The following SLC38A8 variants were observed in gnomAD, a reference collection of about 807,000 sequenced individuals.
The protein encoded by SLC38A8 is solute carrier family 38 member 8, also known as amino acid transporter SLC38A8.
In SLC38A8, 65 loss-of-function variants were observed where a neutral mutation model predicts 46.0. That is an observed-to-expected ratio of 1.41 (90% CI 1.16 to 1.74). SLC38A8 has a LOEUF of 1.74. Ranked by LOEUF, SLC38A8 falls within the 40% of genes most tolerant of loss-of-function variation. The pLI, the probability that SLC38A8 is intolerant of heterozygous loss-of-function variation, is 0.00. For synonymous variants in SLC38A8, 447 were observed against 243.7 expected (o/e 1.83, Z -7.77); for missense variants, 998 against 567.9 (o/e 1.76, Z -7.70).
Position 84,029,515 on chromosome 16 carries a change from G to A in SLC38A8, c.669C>T (p.Pro223=), listed in dbSNP as rs78965848. The A allele has an allele frequency of 1.1e-3, 1,784 of 1,614,120 alleles. 22 individuals are homozygous for A. Among genetic ancestry groups the A allele is most frequent in the African/African-American group, 4.1e-3 (305 of 75,038 alleles). Reference sequence around the variant, plus strand: ...TTACCTGAAACCCGAAGCAGATGGTGGGGAAGACACTGAACACAGAGGTCC... The same window carrying A: ...TTACCTGAAACCCGAAGCAGATGGTAGGGAAGACACTGAACACAGAGGTCC... The part of the protein sequence containing the change: ...ASWTSVFSVF[P]TICFGFQCHE... Residue 223 remains proline (P), a synonymous_variant, in exon 6 of 11, where the codon CCC becomes CCT. Coordinates refer to ENST00000299709, the MANE Select transcript of SLC38A8 (RefSeq NM_001080442.3).
chr16:84,020,167 G>T (rs778496578), intron 7 of SLC38A8, among the ~76,000 whole-genome samples: 2 of 149,722 alleles, frequency 1.3e-5, no homozygotes, highest in African/African-American at 2.5e-5. Context: ...TTGAGACAGG[G>T]TCTTGCCCTG....
rs1270960525 is a variant in SLC38A8, at chr16:84,042,148, G to T, written c.10C>A (p.Gln4Lys). 2 of 1,611,412 alleles carry T rather than the reference G, an allele frequency of 1.2e-6. No homozygotes were observed. Among genetic ancestry groups the T allele is most frequent in the Non-Finnish European group, 1.7e-6 (2 of 1,178,974 alleles). The change falls in exon 2 of 11, where the codon CAG (glutamine) becomes AAG (lysine). Residue 4 changes from glutamine (Q) to lysine (K), a missense_variant. Transcript: ENST00000299709. ...GGAAGGCCCCTGCTTCCTGGGGTCT[G>T]TCCCTCCATGGCTAGAGGCGGCAGA... MEGQTPGSRGLPEK... is the reference protein window; with the variant it reads MEGKTPGSRGLPEK...
Position 84,033,348 on chromosome 16 carries a change from G to T in SLC38A8, c.510C>A (p.Ile170=), listed in dbSNP as rs142587413. ...CTTACCTTGTGTATTTCTGGAAGGC[G>T]ATCTCCCGCGGGGCAGACAGGGGCA... ...VILPLSAPRE[I]AFQKYTSILG... is the part of the protein sequence containing the mutation. Residue 170 remains isoleucine (I), a synonymous_variant, in exon 4 of 11, where the codon ATC becomes ATA. Transcript: ENST00000299709. 9.0e-4 allele frequency: 1,456 copies of T among 1,614,044 alleles called. 9 individuals carry two copies. The African/African-American group carries it at 0.015, about 17-fold the overall frequency.
chr16:84,031,383 T>G (rs1024673399), intron 5 of SLC38A8, among the ~76,000 whole-genome samples: 1 of 152,184 alleles, frequency 6.6e-6, no homozygotes, highest in Non-Finnish European at 1.5e-5. Context: ...ACATCCCTGC[T>G]GTACTCAAAA....
intron 8 of SLC38A8, 63 bp downstream of exon 8, chr16:84,017,077 C>T (rs2085037038): frequency 1.3e-6 from 2 of 1,592,982 alleles, no homozygotes; most frequent in Admixed American, 1.7e-5. Context: ...CTGGTACATG[C>T]TCAATCACAG....
At chr16:84,027,889 G>C (rs933947642) in intron 6 of SLC38A8, among the ~76,000 whole-genome samples, 3 of 152,198 alleles carry the variant, frequency 2.0e-5, no homozygotes, top group African/African-American at 7.2e-5. Context: ...CTTAAACTCA[G>C]TCCAGACAAA....
chr16:84,042,549 A>C lies in SLC38A8; in HGVS notation c.-3+2T>G. 6.2e-6 allele frequency: 1 copy of C among 161,926 alleles called. No homozygotes were observed. The highest frequency in any genetic ancestry group is 1.3e-5 in the Non-Finnish European group (1 of 74,338). The allele number at this position is 161,926 out of a possible 1,614,324, so 10.0% of individuals were successfully genotyped here. A position where few individuals can be genotyped will look rare whatever the true frequency, so the allele number is the denominator to read the frequency against. ...AACAGACCCCCAGTTCCTGGTCCTT[A>C]CCACCAAATCCAACTTTTAAGGTGC... On this transcript the variant is annotated splice_donor_variant, in intron 1 of 10. Transcript: ENST00000299709. LOFTEE classifies it low-confidence loss of function (5UTR_SPLICE).
Position 84,028,632 on chromosome 16 carries a change from G to A in SLC38A8, c.690+862C>T, listed in dbSNP as rs555109868. Among the ~76,000 whole-genome samples, 17 of 150,808 alleles carry A rather than the reference G, an allele frequency of 1.1e-4. No individual in the cohort carries two copies. The East Asian group carries it at 1.2e-3, about 10-fold the overall frequency. On this transcript the variant is annotated intron_variant, in intron 6 of 10. Coordinates refer to ENST00000299709, the MANE Select transcript of SLC38A8 (RefSeq NM_001080442.3). ...TGCTTCCACCTGCTAGGAGGGCTGC[G>A]GGAACCCATGACAGCCCAGAAGCAG...
chr16:84,022,422 G>C (rs1011032273), intron 7 of SLC38A8, among the ~76,000 whole-genome samples: 1 of 152,188 alleles, frequency 6.6e-6, no homozygotes, highest in South Asian at 2.1e-4. Context: ...ACCCTACCCA[G>C]ATGTTACAGT....
chr16:84,019,428 G>T (rs1213608511), intron 7 of SLC38A8, among the ~76,000 whole-genome samples: 2 of 152,098 alleles, frequency 1.3e-5, no homozygotes, highest in South Asian at 4.1e-4. Context: ...ACTGGCAGAT[G>T]GTGCATCCTT....
rs760367537 is a variant in SLC38A8, at chr16:84,036,831, T to G, written c.259A>C (p.Thr87Pro). 8 of 1,613,810 alleles carry G rather than the reference T, an allele frequency of 5.0e-6. No individual in the cohort carries two copies. Among genetic ancestry groups the G allele is most frequent in the Non-Finnish European group, 5.9e-6 (7 of 1,180,008 alleles). The change falls in exon 3 of 11, where the codon ACC becomes CCC. Residue 87 changes from threonine to proline, a missense_variant. Coordinates refer to ENST00000299709, the MANE Select transcript of SLC38A8 (RefSeq NM_001080442.3). ...AGCCCCCTGACCACACCCTGGTAGG[T>G]GGCCTGGCCACTGACAGCAGCAGCA... ...GYAAAVSGQA[T>P]YQGVVRGLCG...
chr16:84,038,705 G>A (rs1286092156), intron 2 of SLC38A8, among the ~76,000 whole-genome samples: 1 of 152,166 alleles, frequency 6.6e-6, no homozygotes, highest in Admixed American at 6.5e-5. Context: ...CCCGGACGGT[G>A]CCACGAGTCC....
In SLC38A8 at chr16:84,042,016, C is replaced by G; in HGVS notation, c.142G>C (p.Ala48Pro). 1 of 1,613,090 alleles carries G rather than the reference C, an allele frequency of 6.2e-7. No homozygotes were observed. Among genetic ancestry groups the G allele is most frequent in the Non-Finnish European group, 8.5e-7 (1 of 1,179,548 alleles). Residue 48 changes from alanine (A) to proline (P), a missense_variant, in exon 2 of 11, where the codon GCC (alanine) becomes CCC (proline). Ala to Pro is a conservative substitution (Grantham distance 27). Transcript: ENST00000299709. ...LGAGLLNFPW[A>P]FSKAGGVVPA... ...ACCACTCCGCCCGCTTTGGAGAAGG[C>G]CCAGGGGAAGTTGAGCAGGCCAGCT...
chr16:84,010,014 A>T, intron 10 of SLC38A8, 137 bp from the exon 11 acceptor site: 2 of 590,302 alleles, frequency 3.4e-6, no homozygotes, highest in South Asian at 2.9e-5. Flanking sequence ...GAATATTTCC[A>T]GTTACCTGTA....
rs2151131676 is a variant in SLC38A8 at position 84,042,011 on chromosome 16, G to A, written c.147C>T (p.Phe49=). The change falls in exon 2 of 11, where the codon TTC becomes TTT. Residue 49 remains phenylalanine (F), a synonymous_variant. Transcript: ENST00000299709. ...GAGLLNFPWA[F]SKAGGVVPAF... ...CAGGGACCACTCCGCCCGCTTTGGAGAAGGCCCAGGGGAAGTTGAGCAGGC... is the reference window on the plus strand; with the variant it reads ...CAGGGACCACTCCGCCCGCTTTGGAAAAGGCCCAGGGGAAGTTGAGCAGGC... The A allele has an allele frequency of 6.2e-7, 1 of 1,612,208 alleles. No homozygotes were observed. Among genetic ancestry groups the A allele is most frequent in the South Asian group, 1.1e-5 (1 of 90,872 alleles).
At chr16:84,029,099 G>T (rs1369369692) in intron 6 of SLC38A8, among the ~76,000 whole-genome samples, 1 of 152,256 alleles carries the variant, frequency 6.6e-6, no homozygotes, top group Non-Finnish European at 1.5e-5. Flanking sequence ...GTCCACCTGG[G>T]TAAAACTGTC....
intron 9 of SLC38A8, among the ~76,000 whole-genome samples, chr16:84,013,414 TTGTG>T (rs201988638): frequency 4.3e-4 from 56 of 130,914 alleles, no homozygotes; most frequent in African/African-American, 1.8e-3. Flanking sequence ...CTTTCTTTTG[TTGTG>T]TGTGTGTTTT....
intron 9 of SLC38A8, among the ~76,000 whole-genome samples, 196 bp from the exon 10 acceptor site, chr16:84,013,248 A>C (rs13335951): frequency 1.1e-4 from 16 of 151,742 alleles, no homozygotes; most frequent in African/African-American, 3.4e-4. Context: ...ACATGCCCTA[A>C]TGACTTAGGC....
In SLC38A8 at chr16:84,041,997, C is replaced by T. The variant is rs201971595; in HGVS notation, c.161G>A (p.Gly54Glu). The T allele has an allele frequency of 2.5e-6, 4 of 1,609,292 alleles. No homozygotes were observed. The African/African-American group carries it at 5.3e-5, about 21-fold the overall frequency. Residue 54 changes from glycine (G) to glutamate (E), a missense_variant, in exon 2 of 11, where the codon GGA becomes GAA. Transcript: ENST00000299709. ...CTCCACCAGGAAGGCAGGGACCACT[C>T]CGCCCGCTTTGGAGAAGGCCCAGGG... The part of the protein sequence containing the change: ...NFPWAFSKAG[G>E]VVPAFLVELV...
Sources: allele counts gnomAD v4.1 joint callset (sites outside exome capture counted in the v4.1 genomes callset), GRCh38; gene constraint gnomAD v4.1.1; transcripts MANE v1.5; gene names NCBI Gene and HGNC (gene_info 2026-07-23, HGNC 2026-07-21).